ZNF316: variants seen among roughly 807,000 people sequenced by gnomAD.
ZNF316 encodes zinc finger protein 316.
Under a neutral mutation model 75.6 loss-of-function variants are expected in ZNF316, and 23 were observed. The ratio of observed to expected loss-of-function variants is 0.30; its 90% confidence interval spans 0.22 to 0.43. The LOEUF (loss-of-function observed/expected upper bound fraction) is 0.43, where lower values mean the gene tolerates loss of function less well. Ranked by LOEUF, ZNF316 falls within the 20% of genes least tolerant of loss-of-function variation. The pLI is 1.00. For synonymous variants in ZNF316, 827 were observed against 666.2 expected, an observed-to-expected ratio of 1.24 and a Z score of -3.72; for missense variants, 1,266 against 1,409.4, an observed-to-expected ratio of 0.90 and a Z score of 1.63.
chr7:6,657,846 A>C lies in ZNF316; in HGVS notation c.*3235A>C, dbSNP rs1779653987. Among the ~76,000 whole-genome samples, 1 of 150,828 alleles carries C rather than the reference A, an allele frequency of 6.6e-6. No homozygotes were observed. Among genetic ancestry groups the C allele is most frequent in the Non-Finnish European group, 1.5e-5 (1 of 67,738 alleles). ...CCTATCTCACCAAAAAAAAAAAAAA[A>C]AAAAAAAAAAAGGTTCCCCGATAGA... is the stretch of plus-strand genomic sequence containing the variant. On this transcript the variant is annotated 3_prime_UTR_variant, in exon 9 of 9. Coordinates refer to ENST00000382252, the MANE Select transcript of ZNF316 (RefSeq NM_001278559.2).
In ZNF316 at chr7:6,654,949, G is replaced by C. The variant is rs1779593206; in HGVS notation, c.*338G>C. On this transcript the variant is annotated 3_prime_UTR_variant, in exon 9 of 9. Coordinates refer to ENST00000382252, the MANE Select transcript of ZNF316 (RefSeq NM_001278559.2). ...TTTATTTCACTCGGATTCCGACTTG[G>C]GTGGTCTGGGGAGCAAGGGATTTGT... is the stretch of plus-strand genomic sequence containing the variant. 1 of 167,026 alleles carries C rather than the reference G, an allele frequency of 6.0e-6. No homozygotes were observed. Among genetic ancestry groups the C allele is most frequent in the South Asian group, 2.0e-4 (1 of 4,952 alleles). 10.3% of individuals were successfully genotyped at this position (167,026 alleles called of 1,614,324 possible). A position where few individuals can be genotyped will look rare whatever the true frequency, so the allele number is the denominator to read the frequency against.
intron 8 of ZNF316, among the ~76,000 whole-genome samples, chr7:6,648,118 G>A (rs912164991): frequency 3.9e-5 from 6 of 152,166 alleles, no homozygotes; most frequent in Admixed American, 6.5e-5. Flanking sequence ...TGGTGATGCC[G>A]ACGAGCACCC....
Position 6,639,400 on chromosome 7 carries a change from C to A in ZNF316, c.-167+259C>A, listed in dbSNP as rs758609466. On this transcript the variant is annotated intron_variant, in intron 3 of 8. Coordinates refer to ENST00000382252, the MANE Select transcript of ZNF316 (RefSeq NM_001278559.2). The surrounding 1 kb of genome is among the most constrained non-coding windows in gnomAD (Gnocchi z 4.2). Reference sequence around the variant, plus strand: ...TCAGGGAGAGAGATGATAAGACAGTCTCATAAGTGTATTTTTAAGATGTGG... The same window carrying A: ...TCAGGGAGAGAGATGATAAGACAGTATCATAAGTGTATTTTTAAGATGTGG... 3.9e-5 allele frequency among the ~76,000 whole-genome samples: 6 copies of A among 152,120 alleles called. No homozygotes were observed. Among genetic ancestry groups the A allele is most frequent in the Non-Finnish European group, 8.8e-5 (6 of 68,044 alleles).
rs1322791399 is a variant in ZNF316 at position 6,653,228 on chromosome 7, G to C, written c.1632G>C (p.Glu544Asp). The change falls in exon 9 of 9, where the codon GAG becomes GAC. Residue 544 changes from glutamate to aspartate, a missense_variant. Physicochemically the swap from Glu to Asp is conservative, Grantham distance 45. Coordinates refer to ENST00000382252, the MANE Select transcript of ZNF316 (RefSeq NM_001278559.2). ...DPGPEGSEVG[E>D]ADGEAEAAAE... ...GGCCAGAGGGATCTGAAGTTGGCGA[G>C]GCGGACGGAGAGGCGGAGGCCGCGG... 8.2e-7 allele frequency: 1 copy of C among 1,224,762 alleles called. No homozygotes were observed. The highest frequency in any genetic ancestry group is 4.1e-5 in the South Asian group (1 of 24,296). The allele number at this position is 1,224,762 out of a possible 1,614,324, so 75.9% of individuals were successfully genotyped here.
chr7:6,654,569 G>A lies in ZNF316; in HGVS notation c.2973G>A (p.Ala991=), dbSNP rs1183430027. The A allele has an allele frequency of 1.1e-5, 13 of 1,187,606 alleles. No homozygotes were observed. In the Admixed American group the frequency reaches 5.9e-4, roughly 54 times the overall value. The allele number at this position is 1,187,606 out of a possible 1,614,324, so 73.6% of individuals were successfully genotyped here. A position where few individuals can be genotyped will look rare whatever the true frequency, so the allele number is the denominator to read the frequency against. ...GTSFGSEHQA[A]FAGPSGAYRE... is the part of the protein sequence containing the mutation. Reference sequence around the variant, plus strand: ...GCTTCGGCTCCGAGCACCAGGCCGCGTTCGCCGGGCCCTCGGGCGCCTACC... The same window carrying A: ...GCTTCGGCTCCGAGCACCAGGCCGCATTCGCCGGGCCCTCGGGCGCCTACC... The change falls in exon 9 of 9, where the codon GCG becomes GCA. Residue 991 remains alanine (A), a synonymous_variant. Transcript: ENST00000382252.
chr7:6,652,215 A>G, intron 8 of ZNF316, 88 bp from the exon 9 acceptor site: 1 of 1,192,878 alleles, frequency 8.4e-7, no homozygotes. Context: ...GCGTCTCGGA[A>G]GCCCTGATTT....
rs1340405927 is a variant in ZNF316 at position 6,637,382 on chromosome 7, C to G, written c.-496C>G. On this transcript the variant is annotated 5_prime_UTR_variant, in exon 1 of 9. Coordinates refer to ENST00000382252, the MANE Select transcript of ZNF316 (RefSeq NM_001278559.2). The surrounding 1 kb of genome is among the most constrained non-coding windows in gnomAD (Gnocchi z 6.2). ...GCCGTCACTTTGTGTAGCGCGGGGTCCGCCGCCGGCCCGCAGGCCCCGGCC... is the reference window on the plus strand; with the variant it reads ...GCCGTCACTTTGTGTAGCGCGGGGTGCGCCGCCGGCCCGCAGGCCCCGGCC... 6.8e-6 allele frequency: 1 copy of G among 147,512 alleles called. No individual in the cohort carries two copies. Among genetic ancestry groups the G allele is most frequent in the East Asian group, 2.0e-4 (1 of 5,056 alleles). 9.1% of individuals were successfully genotyped at this position (147,512 alleles called of 1,614,324 possible).
At position 6,652,171 on chromosome 7, in the gene ZNF316, T is replaced by C. The variant is rs1779518245; in HGVS notation, c.707-132T>C. 7 of 827,040 alleles carry C rather than the reference T, an allele frequency of 8.5e-6. No individual in the cohort carries two copies. In the South Asian group the frequency reaches 3.8e-4, roughly 45 times the overall value. The allele number at this position is 827,040 out of a possible 1,614,324, so 51.2% of individuals were successfully genotyped here. A position where few individuals can be genotyped will look rare whatever the true frequency, so the allele number is the denominator to read the frequency against. Reference sequence around the variant, plus strand: ...CAACCGCTCACTTGGTGAAAGGAGGTGCCCCGTCCGACTGAAGGAAGGTCC... The same window carrying C: ...CAACCGCTCACTTGGTGAAAGGAGGCGCCCCGTCCGACTGAAGGAAGGTCC... On this transcript the variant is annotated intron_variant, in intron 8 of 8. Transcript: ENST00000382252.
In ZNF316 at chr7:6,653,314, C is replaced by T; in HGVS notation, c.1718C>T (p.Ala573Val). 3 of 1,226,890 alleles carry T rather than the reference C, an allele frequency of 2.4e-6. No individual in the cohort carries two copies. Among genetic ancestry groups the T allele is most frequent in the African/African-American group, 1.6e-5 (1 of 64,190 alleles). 76.0% of individuals were successfully genotyped at this position (1,226,890 alleles called of 1,614,324 possible). The stretch of plus-strand genomic sequence containing the variant: ...ACCCCCAGCGGCAAGGTGGACCCCG[C>T]GCCGGAACGGCGCTTCCTGGAGCTG... ...APTPSGKVDP[A>V]PERRFLELGN... Residue 573 changes from alanine to valine, a missense_variant, in exon 9 of 9, where the codon GCG becomes GTG. By Grantham distance (64) the Ala-to-Val change is moderately conservative (BLOSUM62 0). Coordinates refer to ENST00000382252, the MANE Select transcript of ZNF316 (RefSeq NM_001278559.2).
chr7:6,653,596 C>T lies in ZNF316; in HGVS notation c.2000C>T (p.Ala667Val). 1.9e-6 allele frequency: 2 copies of T among 1,063,398 alleles called. No homozygotes were observed. The highest frequency in any genetic ancestry group is 2.3e-6 in the Non-Finnish European group (2 of 879,220). The allele number at this position is 1,063,398 out of a possible 1,614,324, so 65.9% of individuals were successfully genotyped here. Residue 667 changes from alanine to valine, a missense_variant, in exon 9 of 9, where the codon GCG (alanine) becomes GTG (valine). Ala to Val is a moderately conservative substitution (Grantham distance 64). Coordinates refer to ENST00000382252, the MANE Select transcript of ZNF316 (RefSeq NM_001278559.2). ...GAAGGGGGLR[A>V]FGPAIGGLLA... Reference sequence around the variant, plus strand: ...GCGGGCGGCGGAGGCGGCCTGCGCGCGTTCGGGCCCGCCATCGGGGGTCTG... The same window carrying T: ...GCGGGCGGCGGAGGCGGCCTGCGCGTGTTCGGGCCCGCCATCGGGGGTCTG...
chr7:6,658,118 C>A lies in ZNF316; in HGVS notation c.*3507C>A, dbSNP rs1284269836. Among the ~76,000 whole-genome samples, 1 of 152,112 alleles carries A rather than the reference C, an allele frequency of 6.6e-6. No individual in the cohort carries two copies. Among genetic ancestry groups the A allele is most frequent in the Non-Finnish European group, 1.5e-5 (1 of 68,034 alleles). The stretch of plus-strand genomic sequence containing the variant: ...TTTCTCTTTTGCCGGTTTCCCCAAC[C>A]TCCTTCCTTTTCTGATTCATTCCTT... On this transcript the variant is annotated 3_prime_UTR_variant, in exon 9 of 9. Transcript: ENST00000382252.
At chr7:6,647,987 T>C (rs1311565381) in intron 8 of ZNF316, among the ~76,000 whole-genome samples, 6 of 152,220 alleles carry the variant, frequency 3.9e-5, no homozygotes, top group African/African-American at 1.4e-4. Flanking sequence ...GCTGTGCTGC[T>C]GGGGACATTG....
chr7:6,642,977 C>A lies in ZNF316; in HGVS notation c.369C>A (p.Ser123=). The change falls in exon 6 of 9, where the codon TCC becomes TCA. Residue 123 remains serine, a synonymous_variant. Transcript: ENST00000382252. The surrounding 1 kb of genome is among the most constrained non-coding windows in gnomAD (Gnocchi z 8.1). ...PVLQEKGLQA[S]RAPATPRDED... ...CTCTCCCCACAGGCCTGCAGGCCTCCCGGGCTCCAGCCACTCCTAGGGATG... is the reference window on the plus strand; with the variant it reads ...CTCTCCCCACAGGCCTGCAGGCCTCACGGGCTCCAGCCACTCCTAGGGATG... 8.1e-7 allele frequency: 1 copy of A among 1,231,604 alleles called. No homozygotes were observed. The highest frequency in any genetic ancestry group is 1.0e-6 in the Non-Finnish European group (1 of 987,848). 76.3% of individuals were successfully genotyped at this position (1,231,604 alleles called of 1,614,324 possible). A position where few individuals can be genotyped will look rare whatever the true frequency, so the allele number is the denominator to read the frequency against.
Position 6,653,187 on chromosome 7 carries a change from G to A in ZNF316, c.1591G>A (p.Glu531Lys), listed in dbSNP as rs1257293449. The A allele has an allele frequency of 3.3e-6, 4 of 1,214,524 alleles. No individual in the cohort carries two copies. Among genetic ancestry groups the A allele is most frequent in the African/African-American group, 1.6e-5 (1 of 63,514 alleles). The allele number at this position is 1,214,524 out of a possible 1,614,324, so 75.2% of individuals were successfully genotyped here. The change falls in exon 9 of 9, where the codon GAG (glutamate) becomes AAG (lysine). Residue 531 changes from glutamate to lysine, a missense_variant. Glu to Lys is a moderately conservative substitution (Grantham distance 56). Transcript: ENST00000382252. ...PGETAAAAGPEDTDPGPEGSE... is the reference protein window; with the variant it reads ...PGETAAAAGPKDTDPGPEGSE... Reference sequence around the variant, plus strand: ...CGAGACGGCGGCCGCCGCGGGGCCCGAGGACACGGACCCTGGGCCAGAGGG... The same window carrying A: ...CGAGACGGCGGCCGCCGCGGGGCCCAAGGACACGGACCCTGGGCCAGAGGG...
chr7:6,646,696 A>G (rs1238769445), intron 8 of ZNF316, among the ~76,000 whole-genome samples: 2 of 151,740 alleles, frequency 1.3e-5, no homozygotes, highest in Non-Finnish European at 2.9e-5. Flanking sequence ...CCCTCCCCTG[A>G]TGCTCCCCGC....
rs1392593846 is a variant in ZNF316, at chr7:6,654,430, G to C, written c.2834G>C (p.Gly945Ala). Reference sequence around the variant, plus strand: ...CACCGCGGAGCCACCGCAGCGCCGGGCTCGGGTTCGGCCCCAGCCCCCGCG... The same window carrying C: ...CACCGCGGAGCCACCGCAGCGCCGGCCTCGGGTTCGGCCCCAGCCCCCGCG... ...KTHRGATAAP[G>A]SGSAPAPAPK... The change falls in exon 9 of 9, where the codon GGC becomes GCC. Residue 945 changes from glycine to alanine, a missense_variant. Physicochemically the swap from Gly to Ala is moderately conservative, Grantham distance 60. Transcript: ENST00000382252. 1 of 1,207,282 alleles carries C rather than the reference G, an allele frequency of 8.3e-7. No individual in the cohort carries two copies. Among genetic ancestry groups the C allele is most frequent in the Non-Finnish European group, 1.0e-6 (1 of 972,544 alleles). 74.8% of individuals were successfully genotyped at this position (1,207,282 alleles called of 1,614,324 possible). A position where few individuals can be genotyped will look rare whatever the true frequency, so the allele number is the denominator to read the frequency against.
chr7:6,642,350 C>G lies in ZNF316; in HGVS notation c.-28-32C>G, dbSNP rs1779324747. On this transcript the variant is annotated intron_variant, in intron 4 of 8. Transcript: ENST00000382252. The surrounding 1 kb of genome is among the most constrained non-coding windows in gnomAD (Gnocchi z 8.1). ...AGGGGACCGTGTGGTGTGCTGAGAGCAGCCCGTCACTGGCGTCCATCTGCA... is the reference window on the plus strand; with the variant it reads ...AGGGGACCGTGTGGTGTGCTGAGAGGAGCCCGTCACTGGCGTCCATCTGCA... The G allele has an allele frequency of 1.8e-6, 2 of 1,121,606 alleles. No individual in the cohort carries two copies. The highest frequency in any genetic ancestry group is 2.3e-6 in the Non-Finnish European group (2 of 887,646). 69.5% of individuals were successfully genotyped at this position (1,121,606 alleles called of 1,614,324 possible). A position where few individuals can be genotyped will look rare whatever the true frequency, so the allele number is the denominator to read the frequency against.
Position 6,653,858 on chromosome 7 carries a change from G to C in ZNF316, c.2262G>C (p.Ala754=). The C allele has an allele frequency of 9.2e-7, 1 of 1,083,030 alleles. No homozygotes were observed. The highest frequency in any genetic ancestry group is 1.1e-6 in the Non-Finnish European group (1 of 891,956). 67.1% of individuals were successfully genotyped at this position (1,083,030 alleles called of 1,614,324 possible). Reference sequence around the variant, plus strand: ...CCTTCCCGTGCCCCGAGTGCGGCGCGCGGTTCGCCCGCGGCTCGCACTTGG... The same window carrying C: ...CCTTCCCGTGCCCCGAGTGCGGCGCCCGGTTCGCCCGCGGCTCGCACTTGG... ...ERPFPCPECG[A]RFARGSHLAA... The change falls in exon 9 of 9, where the codon GCG becomes GCC. Residue 754 remains alanine, a synonymous_variant. Coordinates refer to ENST00000382252, the MANE Select transcript of ZNF316 (RefSeq NM_001278559.2).
rs1324829892 is a variant in ZNF316 at position 6,637,802 on chromosome 7, C to T, written c.-430-44C>T. ...GCAGCGGCAGGGGCTGGGCCGCGGCCGCCCCCAGGACACACCCATCCAGGA... is the reference window on the plus strand; with the variant it reads ...GCAGCGGCAGGGGCTGGGCCGCGGCTGCCCCCAGGACACACCCATCCAGGA... On this transcript the variant is annotated intron_variant, in intron 1 of 8. Transcript: ENST00000382252. This position sits in a 1 kb window ranked among gnomAD's most constrained non-coding sequence, Gnocchi z 6.2. The T allele has an allele frequency of 1.3e-5, 2 of 152,176 alleles. No individual in the cohort carries two copies. Among genetic ancestry groups the T allele is most frequent in the Non-Finnish European group, 2.9e-5 (2 of 68,078 alleles). 9.4% of individuals were successfully genotyped at this position (152,176 alleles called of 1,614,324 possible). A position where few individuals can be genotyped will look rare whatever the true frequency, so the allele number is the denominator to read the frequency against.
Sources: allele counts gnomAD v4.1 joint callset (sites outside exome capture counted in the v4.1 genomes callset), GRCh38; gene constraint gnomAD v4.1.1; non-coding constraint Gnocchi (gnomAD v3.1); transcripts MANE v1.5; gene names NCBI Gene and HGNC (gene_info 2026-07-23, HGNC 2026-07-21).